TBC1D22A: variants seen among roughly 807,000 people sequenced by gnomAD.
TBC1D22A encodes putative GTPase activator.
TBC1D22A carries 38 observed loss-of-function variants against 60.2 expected under a neutral mutation model. The ratio of observed to expected loss-of-function variants is 0.63; its 90% CI spans 0.49 to 0.83. TBC1D22A has a LOEUF of 0.83. TBC1D22A is among the 40% of genes least tolerant of loss of function. The pLI, the probability that TBC1D22A is intolerant of heterozygous loss-of-function variation, is 0.00. For synonymous variants in TBC1D22A, 302 were observed against 281.7 expected (o/e 1.07, Z -0.72); for missense variants, 628 against 701.0 (o/e 0.90, Z 1.18).
At chr22:46,843,820 A>G (rs1054252027) in intron 4 of TBC1D22A, among the ~76,000 whole-genome samples, 3 of 152,032 alleles carry the variant, frequency 2.0e-5, no homozygotes, top group Admixed American at 6.6e-5. Context: ...TTCACAGCGG[A>G]TTGACCTGTG....
chr22:46,766,020 C>T (rs191326023), intron 1 of TBC1D22A, among the ~76,000 whole-genome samples: 138 of 136,922 alleles, frequency 1.0e-3, no homozygotes, highest in East Asian at 2.6e-3. Context: ...TTTTTTGAGA[C>T]GGAGTCTCAC....
intron 12 of TBC1D22A, among the ~76,000 whole-genome samples, chr22:47,136,878 C>T (rs568762059): frequency 1.8e-4 from 27 of 152,234 alleles, no homozygotes; most frequent in Non-Finnish European, 2.5e-4. Context: ...CTCGCCCCCT[C>T]TCCAGAGCCC....
intron 12 of TBC1D22A, among the ~76,000 whole-genome samples, chr22:47,119,280 C>A (rs1385326134): frequency 3.9e-5 from 6 of 152,148 alleles, no homozygotes; most frequent in African/African-American, 7.2e-5. Flanking sequence ...TTTCAAAAAT[C>A]CTTATGCTGT....
chr22:47,013,626 C>T (rs62225117), intron 10 of TBC1D22A, among the ~76,000 whole-genome samples: 3,540 of 152,286 alleles, frequency 0.023, 52 homozygotes, highest in Admixed American at 0.032. Context: ...CAGGTGGAAA[C>T]GCATTGCCTT....
chr22:47,009,526 CCAT>C lies in TBC1D22A; in HGVS notation c.1201+11827_1201+11829del, dbSNP rs1051393729. Among the ~76,000 whole-genome samples, 9 of 151,618 alleles carry C rather than the reference CCAT, an allele frequency of 5.9e-5. 1 individual carries two copies. In the East Asian group the frequency reaches 7.8e-4, roughly 13 times the overall value. ...ATCACCACCATCATCTTCACCATCA[CCAT>C]CATCATCATTGCCATCATCACCATC... On this transcript the variant is annotated intron_variant, in intron 10 of 12. Coordinates refer to ENST00000337137, the MANE Select transcript of TBC1D22A (RefSeq NM_014346.5). This position sits in a 1 kb window ranked among gnomAD's most constrained non-coding sequence, Gnocchi z 5.8.
At chr22:47,063,517 T>C (rs35128011) in intron 11 of TBC1D22A, among the ~76,000 whole-genome samples, 71,644 of 151,920 alleles carry the variant, frequency 0.47, 17,597 homozygotes, top group East Asian at 0.59. Flanking sequence ...AAGGCCTGGG[T>C]ACTACCAGCC....
rs150223635 is a variant in TBC1D22A at position 46,792,160 on chromosome 22, G to A, written c.63-360G>A. Reference sequence around the variant, plus strand: ...AGAATTCCCAGGTGGGCGTTTCTTCGAGTTTTTAGTCTGTGGGCAGAGGCC... The same window carrying A: ...AGAATTCCCAGGTGGGCGTTTCTTCAAGTTTTTAGTCTGTGGGCAGAGGCC... On this transcript the variant is annotated intron_variant, in intron 1 of 12. Coordinates refer to ENST00000337137, the MANE Select transcript of TBC1D22A (RefSeq NM_014346.5). Among the ~76,000 whole-genome samples the A allele has an allele frequency of 4.6e-3, 694 of 152,314 alleles. 4 individuals carry two copies. The highest frequency in any genetic ancestry group is 0.016 in the African/African-American group (650 of 41,568).
rs138599528 is a variant in TBC1D22A, at chr22:47,032,949, C to T, written c.1202-4122C>T. On this transcript the variant is annotated intron_variant, in intron 10 of 12. Coordinates refer to ENST00000337137, the MANE Select transcript of TBC1D22A (RefSeq NM_014346.5). ...CCTGTGTGGCCCCTCCTTCCTCAGG[C>T]GCTTTGTTTCAAGCAGTGATTTTCC... 5.4e-4 allele frequency among the ~76,000 whole-genome samples: 82 copies of T among 152,336 alleles called. 1 individual carries two copies. In the East Asian group the frequency reaches 0.015, roughly 28 times the overall value.
chr22:46,968,846 TTTTCTC>T lies in TBC1D22A; in HGVS notation c.1016-5443_1016-5438del, dbSNP rs1166210363. On this transcript the variant is annotated intron_variant, in intron 8 of 12. Transcript: ENST00000337137. ...GAGTAGCAATTATGTCTCCATGTGG[TTTTCTC>T]CTGACCAAGCTAAATATCCTCCATT... 2.0e-5 allele frequency among the ~76,000 whole-genome samples: 3 copies of T among 152,256 alleles called. No homozygotes were observed. In the East Asian group the frequency reaches 5.8e-4, roughly 29 times the overall value.
At chr22:47,042,340 G>A (rs1053962174) in intron 11 of TBC1D22A, among the ~76,000 whole-genome samples, 1 of 152,206 alleles carries the variant, frequency 6.6e-6, no homozygotes, top group Non-Finnish European at 1.5e-5. Flanking sequence ...CCATCAGTGC[G>A]CTGTGGCAGT....
intron 7 of TBC1D22A, among the ~76,000 whole-genome samples, chr22:46,897,490 A>G (rs1266383566): frequency 6.6e-6 from 1 of 152,118 alleles, no homozygotes; most frequent in Admixed American, 6.5e-5. Flanking sequence ...GCCTGGGACC[A>G]GGCTGCTAGG....
At chr22:47,103,103 G>A (rs1026127499) in intron 11 of TBC1D22A, among the ~76,000 whole-genome samples, 4 of 152,244 alleles carry the variant, frequency 2.6e-5, no homozygotes, top group African/African-American at 9.6e-5. Flanking sequence ...TCTCAGTGCC[G>A]AGCTTCCATG....
intron 11 of TBC1D22A, among the ~76,000 whole-genome samples, chr22:47,072,314 T>G (rs2064027891): frequency 6.6e-6 from 1 of 152,200 alleles, no homozygotes; most frequent in African/African-American, 2.4e-5. Context: ...GCTTCTCCTT[T>G]GGGGCCACTC....
At chr22:46,868,614 G>A (rs927290978) in intron 4 of TBC1D22A, among the ~76,000 whole-genome samples, 1 of 152,144 alleles carries the variant, frequency 6.6e-6, no homozygotes, top group African/African-American at 2.4e-5. Context: ...CTGAGGTGAG[G>A]CTGTCATTGT....
intron 9 of TBC1D22A, among the ~76,000 whole-genome samples, chr22:46,974,911 GTGGGGACCC>G (rs1291867589): frequency 6.6e-6 from 1 of 152,210 alleles, no homozygotes. Flanking sequence ...CTGCACCACA[GTGGGGACCC>G]TGCGGGTCTC....
In TBC1D22A at chr22:46,894,693, G is replaced by T. The variant is rs372224076; in HGVS notation, c.838-91G>T. The T allele has an allele frequency of 1.4e-4, 205 of 1,480,856 alleles. 2 individuals carry two copies. The South Asian group carries it at 2.2e-3, about 16-fold the overall frequency. The allele number at this position is 1,480,856 out of a possible 1,614,324, so 91.7% of individuals were successfully genotyped here. A position where few individuals can be genotyped will look rare whatever the true frequency, so the allele number is the denominator to read the frequency against. On this transcript the variant is annotated intron_variant, in intron 6 of 12. Transcript: ENST00000337137. ...GAGAGCGGGGTAGAGGCCGGGGAAG[G>T]ACTTACCTCAGTATTGCTGTTTTAA...
At chr22:47,157,810 C>G (rs1015003441) in intron 12 of TBC1D22A, among the ~76,000 whole-genome samples, 4 of 152,154 alleles carry the variant, frequency 2.6e-5, no homozygotes, top group Non-Finnish European at 5.9e-5. Flanking sequence ...GTCTGGAGGC[C>G]CAGCTGTGAG....
At chr22:46,894,727 C>T in intron 6 of TBC1D22A, 57 bp from the exon 7 acceptor site, 1 of 1,594,504 alleles carries the variant, frequency 6.3e-7, no homozygotes, top group Non-Finnish European at 8.6e-7. Context: ...AATCATATCG[C>T]TCGTAATGAT....
At chr22:47,060,440 G>T (rs5769338) in intron 11 of TBC1D22A, among the ~76,000 whole-genome samples, 69,957 of 149,740 alleles carry the variant, frequency 0.47, 16,989 homozygotes, top group East Asian at 0.6. Context: ...TGTTGTTTTG[G>T]TTTTTTCTGA....
Sources: gnomAD v4.1 joint callset for allele counts (sites outside exome capture counted in the v4.1 genomes callset) on GRCh38, gnomAD v4.1.1 for gene constraint, Gnocchi (gnomAD v3.1) non-coding constraint, MANE v1.5 for transcripts, NCBI Gene and HGNC (gene_info 2026-07-23, HGNC 2026-07-21) for gene names.